ABCB11: variants seen among roughly 807,000 people sequenced by gnomAD.
ABCB11 encodes the protein bile salt export pump.
ABCB11 carries 95 observed loss-of-function variants against 148.0 expected under a neutral mutation model. The ratio of observed to expected loss-of-function variants is 0.64; its 90% CI spans 0.54 to 0.76. ABCB11 has a LOEUF of 0.76. Ranked by LOEUF, ABCB11 falls within the 30% of genes least tolerant of loss-of-function variation. ABCB11 has a pLI of 0.00. For missense variants in ABCB11, 1,523 were observed against 1,617.8 expected, an observed-to-expected ratio of 0.94 and a Z score of 1.01; for synonymous variants, 591 against 555.4, an observed-to-expected ratio of 1.06 and a Z score of -0.90.
chr2:168,926,857 C>A (rs1374434760), intron 26 of ABCB11, among the ~76,000 whole-genome samples: 3 of 152,124 alleles, frequency 2.0e-5, no homozygotes, highest in Non-Finnish European at 4.4e-5. Context: ...AGTCTAACCA[C>A]AAAATTCCTG....
In ABCB11 at chr2:168,930,746, C is replaced by T. The variant is rs113099601; in HGVS notation, c.3330G>A (p.Ala1110=). Residue 1110 remains alanine (A), a synonymous_variant, in exon 25 of 28, where the codon GCG becomes GCA. Transcript: ENST00000650372. ...SVSISPGQTL[A]FVGSSGCGKS... ...TGCCACATCCACTGCTCCCAACAAA[C>T]GCCAGTGTCTGCCCTGGACTAATCG... is the stretch of plus-strand genomic sequence containing the variant. The T allele has an allele frequency of 1.2e-3, 1,923 of 1,610,628 alleles. 21 individuals carry two copies. In the African/African-American group the frequency reaches 0.02, roughly 17 times the overall value.
intron 6 of ABCB11, among the ~76,000 whole-genome samples, 190 bp from the exon 7 acceptor site, chr2:168,995,672 C>T (rs1694689923): frequency 6.6e-6 from 1 of 151,924 alleles, no homozygotes; most frequent in African/African-American, 2.4e-5. Context: ...ACAGAACCTT[C>T]AGCAGGGTAG....
At chr2:168,940,465 C>T (rs1692014479) in intron 21 of ABCB11, among the ~76,000 whole-genome samples, 1 of 152,178 alleles carries the variant, frequency 6.6e-6, no homozygotes, top group Non-Finnish European at 1.5e-5. Context: ...GAACAAGGCC[C>T]TAACTCTCTT....
intron 27 of ABCB11, among the ~76,000 whole-genome samples, 180 bp from the exon 28 acceptor site, chr2:168,924,002 T>C (rs1691192646): frequency 1.3e-5 from 2 of 152,190 alleles, no homozygotes; most frequent in South Asian, 4.1e-4. Context: ...GTGATTTCAA[T>C]GGCAGTGCAC....
chr2:168,928,180 A>T (rs1307934271), intron 25 of ABCB11, among the ~76,000 whole-genome samples: 1 of 152,230 alleles, frequency 6.6e-6, no homozygotes, highest in Non-Finnish European at 1.5e-5. Context: ...ATTAGAAAAA[A>T]TATAAAGCAT....
In ABCB11 at chr2:168,979,927, C is replaced by A; in HGVS notation, c.1136G>T (p.Cys379Phe). 1 of 1,601,456 alleles carries A rather than the reference C, an allele frequency of 6.2e-7. No individual in the cohort carries two copies. The change falls in exon 11 of 28, where the codon TGT (cysteine) becomes TTT (phenylalanine). Residue 379 changes from cysteine (C) to phenylalanine (F), a missense_variant. Cys to Phe is a radical substitution (Grantham distance 205). Transcript: ENST00000650372. ...GALNLGNASP[C>F]LEAFATGRAA... ...ACGTCCAGTTGCAAAGGCTTCCAAA[C>A]AAGGAGAGGCATTGCCAAGATTTAA...
rs1044937442 is a variant in ABCB11, at chr2:169,029,896, G to A, written c.-28+1329C>T. On this transcript the variant is annotated intron_variant, in intron 1 of 27. Transcript: ENST00000650372. ...GCTGGGACTACAGGCGCCCGCCACC[G>A]CGCCCGGCTAATTTTTTGTATTTTT... Among the ~76,000 whole-genome samples the A allele has an allele frequency of 1.0e-4, 15 of 145,752 alleles. 1 individual carries two copies. The highest frequency in any genetic ancestry group is 1.4e-4 in the Admixed American group (2 of 14,704).
intron 5 of ABCB11, among the ~76,000 whole-genome samples, chr2:169,012,093 G>A (rs1279517566): frequency 6.6e-6 from 1 of 152,142 alleles, no homozygotes; most frequent in African/African-American, 2.4e-5. Flanking sequence ...TATTATGGAA[G>A]AGTGTCAATG....
intron 21 of ABCB11, 143 bp from the exon 22 acceptor site, chr2:168,936,576 C>T: frequency 1.3e-6 from 1 of 744,578 alleles, no homozygotes; most frequent in Non-Finnish European, 2.2e-6. Context: ...CTTAAGTGTA[C>T]AATTCAGTGG....
At chr2:169,027,428 T>A (rs181391081) in intron 1 of ABCB11, among the ~76,000 whole-genome samples, 34 of 152,340 alleles carry the variant, frequency 2.2e-4, no homozygotes, top group African/African-American at 7.7e-4. Context: ...GGGTTGAAGT[T>A]TTCTCTTGAT....
At chr2:168,949,217 T>A (rs184172227) in intron 19 of ABCB11, among the ~76,000 whole-genome samples, 1 of 151,660 alleles carries the variant, frequency 6.6e-6, no homozygotes, top group South Asian at 2.1e-4. Context: ...ATTAACTTTT[T>A]AAAATTTTTG....
intron 25 of ABCB11, among the ~76,000 whole-genome samples, chr2:168,930,096 A>G (rs1469170731): frequency 1.3e-5 from 2 of 152,188 alleles, no homozygotes; most frequent in Non-Finnish European, 2.9e-5. Flanking sequence ...AAAGAAAGAA[A>G]AAAAGGACAG....
rs1691834887 is a variant in ABCB11, at chr2:168,936,499, A to G, written c.2611-66T>C. ...TCGCTTTTACCAATTACCATTACAC[A>G]AAAAGGTCAGACCTTTTATAAAGTT... is the stretch of plus-strand genomic sequence containing the variant. On this transcript the variant is annotated intron_variant, in intron 21 of 27. Coordinates refer to ENST00000650372, the MANE Select transcript of ABCB11 (RefSeq NM_003742.4). 5.4e-6 allele frequency: 8 copies of G among 1,471,980 alleles called. No homozygotes were observed. The South Asian group carries it at 6.9e-5, about 13-fold the overall frequency. The allele number at this position is 1,471,980 out of a possible 1,614,324, so 91.2% of individuals were successfully genotyped here.
At chr2:168,936,112 G>T in intron 22 of ABCB11, 118 bp downstream of exon 22, 3 of 992,554 alleles carry the variant, frequency 3.0e-6, no homozygotes, top group Non-Finnish European at 4.4e-6. Context: ...AGGTTCTTAA[G>T]TGTGCCTGTC....
At chr2:169,011,682 CTT>C (rs900030159) in intron 5 of ABCB11, among the ~76,000 whole-genome samples, 3 of 152,114 alleles carry the variant, frequency 2.0e-5, no homozygotes, top group African/African-American at 7.2e-5. Context: ...GATCATGACT[CTT>C]TTGGTTTTTC....
chr2:168,932,119 C>T (rs185682052), intron 24 of ABCB11, among the ~76,000 whole-genome samples: 74 of 152,248 alleles, frequency 4.9e-4, no homozygotes, highest in African/African-American at 1.6e-3. Flanking sequence ...AACCTGTCAT[C>T]TACATTAGGT....
chr2:169,023,139 T>C (rs1214266209), intron 1 of ABCB11, among the ~76,000 whole-genome samples: 2 of 152,196 alleles, frequency 1.3e-5, no homozygotes, highest in Non-Finnish European at 2.9e-5. Flanking sequence ...TGAATGACTT[T>C]GGATAGCAAT....
chr2:168,943,562 G>A (rs1338555352), intron 21 of ABCB11, among the ~76,000 whole-genome samples: 2 of 151,942 alleles, frequency 1.3e-5, no homozygotes, highest in African/African-American at 2.4e-5. Flanking sequence ...GATTATTTCA[G>A]GGGAAACAAG....
chr2:168,992,569 T>C (rs1225990969), intron 8 of ABCB11, among the ~76,000 whole-genome samples: 1 of 152,086 alleles, frequency 6.6e-6, no homozygotes, highest in Non-Finnish European at 1.5e-5. Context: ...CTTTAGCAAT[T>C]GATTCTGTGC....
Sources: allele counts gnomAD v4.1 joint callset (sites outside exome capture counted in the v4.1 genomes callset), GRCh38; gene constraint gnomAD v4.1.1; transcripts MANE v1.5; gene names NCBI Gene and HGNC (gene_info 2026-07-23, HGNC 2026-07-21).